OPCML: variants seen among roughly 807,000 people sequenced by gnomAD.
OPCML encodes opioid binding protein/cell adhesion molecule like.
A neutral mutation model predicts 37.8 loss-of-function variants in OPCML; 13 were observed. That is an observed-to-expected ratio of 0.34 (90% CI 0.22 to 0.55). OPCML has a LOEUF of 0.55. Among genes scored for constraint, OPCML ranks in the 20% least tolerant of loss-of-function variants. The probability of loss-of-function intolerance (pLI) is 0.91; values close to 1 mark genes in which losing one functional copy is unlikely to be tolerated. For synonymous variants in OPCML, 176 were observed against 168.8 expected (o/e 1.04, Z -0.33); for missense variants, 341 against 435.6 (o/e 0.78, Z 1.93).
At chr11:133,530,876 G>C (rs1178878643) in intron 1 of OPCML, among the ~76,000 whole-genome samples, 1 of 152,146 alleles carries the variant, frequency 6.6e-6, no homozygotes, top group East Asian at 1.9e-4. Context: ...GGCATCTTAG[G>C]ACTACTCAGG....
chr11:132,559,180 G>A (rs1041784697), intron 3 of OPCML, among the ~76,000 whole-genome samples: 1 of 151,964 alleles, frequency 6.6e-6, no homozygotes, highest in African/African-American at 2.4e-5. Context: ...GGGAAAGAGA[G>A]GGAGAGAGGA....
At chr11:132,527,094 T>C (rs1565638220) in intron 4 of OPCML, among the ~76,000 whole-genome samples, 2 of 152,226 alleles carry the variant, frequency 1.3e-5, no homozygotes, top group East Asian at 3.8e-4. Flanking sequence ...AGTAGCAATC[T>C]GTTGTTAGAA....
intron 2 of OPCML, among the ~76,000 whole-genome samples, chr11:132,748,630 G>A (rs916769766): frequency 4.6e-5 from 7 of 152,290 alleles, no homozygotes; most frequent in South Asian, 4.1e-4. Context: ...AGAGCGGTGC[G>A]AGGGAGGGGC....
intron 3 of OPCML, among the ~76,000 whole-genome samples, chr11:132,576,386 CT>C (rs934663794): frequency 3.1e-4 from 45 of 147,436 alleles, no homozygotes; most frequent in East Asian, 9.9e-4. Flanking sequence ...TTTGCAAATC[CT>C]TTTTTTTTTC....
chr11:133,011,089 C>A (rs945278527), intron 1 of OPCML, among the ~76,000 whole-genome samples: 22 of 152,148 alleles, frequency 1.4e-4, no homozygotes, highest in African/African-American at 4.8e-4. Flanking sequence ...GTTCTTAAAA[C>A]CATGTTATTT....
At chr11:133,264,870 G>T (rs1036984013) in intron 1 of OPCML, among the ~76,000 whole-genome samples, 2 of 152,108 alleles carry the variant, frequency 1.3e-5, no homozygotes, top group Admixed American at 6.5e-5. Context: ...TCGGAGGGAG[G>T]GTTCTAATAT....
intron 2 of OPCML, among the ~76,000 whole-genome samples, chr11:132,732,588 G>A (rs1214375444): frequency 6.6e-6 from 1 of 152,136 alleles, no homozygotes; most frequent in African/African-American, 2.4e-5. Flanking sequence ...TCTCAGGGAG[G>A]ATGAAAGAGA....
At chr11:133,231,934 TTA>T in intron 1 of OPCML, among the ~76,000 whole-genome samples, 1 of 55,048 alleles carries the variant, frequency 1.8e-5, no homozygotes, top group African/African-American at 8.5e-5. Context: ...TGTAAAAGGC[TTA>T]GGATCCTACA....
At chr11:133,393,297 G>C (rs994042706) in intron 1 of OPCML, among the ~76,000 whole-genome samples, 3 of 152,188 alleles carry the variant, frequency 2.0e-5, no homozygotes, top group African/African-American at 7.2e-5. Context: ...GTTATGTATT[G>C]ATTGGTAGAC....
At chr11:132,442,110 A>T (rs2096037887) in intron 4 of OPCML, among the ~76,000 whole-genome samples, 1 of 152,220 alleles carries the variant, frequency 6.6e-6, no homozygotes, top group Admixed American at 6.5e-5. Context: ...GAATGGGGGC[A>T]GAGACAATAT....
intron 1 of OPCML, among the ~76,000 whole-genome samples, chr11:133,018,561 G>T (rs900438444): frequency 6.6e-6 from 1 of 152,176 alleles, no homozygotes; most frequent in African/African-American, 2.4e-5. Flanking sequence ...TTTGAAGCCA[G>T]ATGGCCAATG....
At chr11:132,467,525 T>A (rs961520303) in intron 4 of OPCML, among the ~76,000 whole-genome samples, 2 of 152,256 alleles carry the variant, frequency 1.3e-5, no homozygotes, top group African/African-American at 4.8e-5. Context: ...AAAGGCATCA[T>A]GTGAGTTAAG....
chr11:133,036,241 C>T (rs1335819917), intron 1 of OPCML, among the ~76,000 whole-genome samples: 1 of 152,138 alleles, frequency 6.6e-6, no homozygotes, highest in Non-Finnish European at 1.5e-5. Flanking sequence ...TAAGAACTTC[C>T]CTAATGCCAA....
At chr11:133,099,442 C>CTTTTTTTTTTT (rs35161811) in intron 1 of OPCML, among the ~76,000 whole-genome samples, 6 of 119,462 alleles carry the variant, frequency 5.0e-5, no homozygotes, top group Admixed American at 1.8e-4. Context: ...TTCTTTTTTT[C>CTTTTTTTTTTT]TTTTTTTTTT....
At chr11:133,112,805 A>C (rs1215269504) in intron 1 of OPCML, among the ~76,000 whole-genome samples, 1 of 152,096 alleles carries the variant, frequency 6.6e-6, no homozygotes, top group Non-Finnish European at 1.5e-5. Context: ...AAGGGCGAGC[A>C]GGTTAAAGGA....
intron 1 of OPCML, among the ~76,000 whole-genome samples, chr11:133,060,917 A>G (rs1338440581): frequency 6.6e-6 from 1 of 152,224 alleles, no homozygotes; most frequent in African/African-American, 2.4e-5. Flanking sequence ...CCCCCTCAAC[A>G]AGATCACTTT....
intron 1 of OPCML, among the ~76,000 whole-genome samples, chr11:133,334,547 G>C (rs976260446): frequency 2.0e-5 from 3 of 152,168 alleles, no homozygotes; most frequent in African/African-American, 7.2e-5. Context: ...ATTGGGTACT[G>C]AGCTTAACAC....
chr11:132,515,278 A>G (rs545497617), intron 4 of OPCML, among the ~76,000 whole-genome samples: 4 of 152,274 alleles, frequency 2.6e-5, no homozygotes, highest in African/African-American at 9.6e-5. Flanking sequence ...GAATAAGAAA[A>G]ATAACACAAG....
chr11:132,917,217 T>C (rs944588234), intron 2 of OPCML, among the ~76,000 whole-genome samples: 2 of 152,214 alleles, frequency 1.3e-5, no homozygotes, highest in Non-Finnish European at 2.9e-5. Flanking sequence ...TTGGAAACAC[T>C]GTATTATAAC....
Sources: allele counts gnomAD v4.1 joint callset (sites outside exome capture counted in the v4.1 genomes callset), GRCh38; gene constraint gnomAD v4.1.1; transcripts MANE v1.5; gene names NCBI Gene and HGNC (gene_info 2026-07-23, HGNC 2026-07-21).